OSBPL5: variants seen among roughly 807,000 people sequenced by gnomAD.
OSBPL5 encodes oxysterol-binding protein-related protein 5.
In OSBPL5, 71 loss-of-function variants were observed where a neutral mutation model predicts 111.2. That is an observed-to-expected ratio of 0.64 (90% confidence interval 0.53 to 0.78). The LOEUF (loss-of-function observed/expected upper bound fraction) is 0.78. Ranked by LOEUF, OSBPL5 falls within the 30% of genes least tolerant of loss-of-function variation. The pLI is 0.00. For synonymous variants in OSBPL5, 549 were observed against 513.9 expected, an observed-to-expected ratio of 1.07 and a Z score of -0.93; for missense variants, 1,210 against 1,189.3, an observed-to-expected ratio of 1.02 and a Z score of -0.26.
rs561342421 is a variant in OSBPL5 at position 3,104,500 on chromosome 11, C to T, written c.1060-123G>A. ...CACCCCTTAGGGTGTAAACCCCTGA[C>T]CTGGCCTCCATGGCCTCATGAGGCT... On this transcript the variant is annotated intron_variant, in intron 9 of 21. Transcript: ENST00000263650. The surrounding 1 kb of genome is among the most constrained non-coding windows in gnomAD (Gnocchi z 5.0). 53 of 1,038,216 alleles carry T rather than the reference C, an allele frequency of 5.1e-5. No homozygotes were observed. The highest frequency in any genetic ancestry group is 6.7e-5 in the Non-Finnish European group (49 of 734,816). 64.3% of individuals were successfully genotyped at this position (1,038,216 alleles called of 1,614,324 possible). A position where few individuals can be genotyped will look rare whatever the true frequency, so the allele number is the denominator to read the frequency against.
At chr11:3,102,969 G>A (rs982992653) in intron 11 of OSBPL5, among the ~76,000 whole-genome samples, 1 of 152,156 alleles carries the variant, frequency 6.6e-6, no homozygotes, top group African/African-American at 2.4e-5. Flanking sequence ...CTGTTTTCTT[G>A]GGGGGTGGGG....
At position 3,107,507 on chromosome 11, in the gene OSBPL5, C is replaced by T. The variant is rs1310011233; in HGVS notation, c.867-52G>A. 1 of 1,591,776 alleles carries T rather than the reference C, an allele frequency of 6.3e-7. No individual in the cohort carries two copies. The highest frequency in any genetic ancestry group is 1.3e-5 in the African/African-American group (1 of 74,402). ...CCCTGTCACAGGTGAGAGCCCAGCACAGCCCTCTGGGCTGCCCACCCCTCG... is the reference window on the plus strand; with the variant it reads ...CCCTGTCACAGGTGAGAGCCCAGCATAGCCCTCTGGGCTGCCCACCCCTCG... On this transcript the variant is annotated intron_variant, in intron 8 of 21. Coordinates refer to ENST00000263650, the MANE Select transcript of OSBPL5 (RefSeq NM_020896.4). This position sits in a 1 kb window ranked among gnomAD's most constrained non-coding sequence, Gnocchi z 6.1.
At chr11:3,101,741 G>T in intron 12 of OSBPL5, 42 bp from the exon 13 acceptor site, 2 of 1,524,982 alleles carry the variant, frequency 1.3e-6, no homozygotes, top group Non-Finnish European at 9.1e-7. Flanking sequence ...CCCGGAAACA[G>T]GTAATCCCAG....
At chr11:3,122,187 G>A in intron 4 of OSBPL5, 89 bp from the exon 5 acceptor site, 2 of 1,396,658 alleles carry the variant, frequency 1.4e-6, no homozygotes, top group South Asian at 2.5e-5. Flanking sequence ...ATGGGTCCAG[G>A]GGCAGGGGCA....
chr11:3,097,015 C>T (rs56331957), intron 14 of OSBPL5, among the ~76,000 whole-genome samples: 377 of 9,008 alleles, frequency 0.042, no homozygotes, highest in Middle Eastern at 0.056. Context: ...AGGGGGAAGA[C>T]GGGAGGGGGA....
intron 1 of OSBPL5, among the ~76,000 whole-genome samples, chr11:3,131,937 CCATCCATCCATCCATCCATCCA>C (rs1845821352): frequency 7.1e-5 from 1 of 14,138 alleles, no homozygotes. Context: ...GTCCATCCAT[CCATCCATCCATCCATCCATCCA>C]TCCATCCATC....
In OSBPL5 at chr11:3,113,719, A is replaced by G. The variant is rs1248979333; in HGVS notation, c.692-5774T>C. Reference sequence around the variant, plus strand: ...ACATCTTAAATTTAGTAAGATTACCATAACTTCTAATCTGGTGGCTTTAGG... The same window carrying G: ...ACATCTTAAATTTAGTAAGATTACCGTAACTTCTAATCTGGTGGCTTTAGG... On this transcript the variant is annotated intron_variant, in intron 7 of 21. Transcript: ENST00000263650. This position sits in a 1 kb window ranked among gnomAD's most constrained non-coding sequence, Gnocchi z 4.8. Among the ~76,000 whole-genome samples the G allele has an allele frequency of 2.0e-5, 3 of 152,198 alleles. No individual in the cohort carries two copies. The highest frequency in any genetic ancestry group is 4.8e-5 in the African/African-American group (2 of 41,446).
At chr11:3,112,124 T>TGC (rs1858015295) in intron 7 of OSBPL5, among the ~76,000 whole-genome samples, 6 of 148,490 alleles carry the variant, frequency 4.0e-5, no homozygotes, top group Non-Finnish European at 9.0e-5. Context: ...TGTGTGTGTG[T>TGC]GCGCATATGT....
chr11:3,134,256 T>A (rs1316281072), intron 1 of OSBPL5, among the ~76,000 whole-genome samples: 4 of 152,246 alleles, frequency 2.6e-5, no homozygotes. Flanking sequence ...AAGGGCCTCC[T>A]GCTCTCCTCC....
At chr11:3,096,844 A>G (rs1047794729) in intron 14 of OSBPL5, among the ~76,000 whole-genome samples, 8 of 150,860 alleles carry the variant, frequency 5.3e-5, no homozygotes, top group Admixed American at 5.3e-4. Flanking sequence ...TTGAAAAAAT[A>G]TATGAAGCAT....
chr11:3,088,447 A>G (rs1856948684), intron 21 of OSBPL5, 104 bp from the exon 22 acceptor site: 2 of 1,273,244 alleles, frequency 1.6e-6, no homozygotes, highest in East Asian at 3.1e-5. Flanking sequence ...TGCTGGACAC[A>G]GGGCCGAGGT....
At chr11:3,091,737 A>T (rs781346858) in intron 19 of OSBPL5, among the ~76,000 whole-genome samples, 1 of 152,090 alleles carries the variant, frequency 6.6e-6, no homozygotes, top group Non-Finnish European at 1.5e-5. Context: ...CCAAGGAGAT[A>T]CCGCGGCCCC....
intron 1 of OSBPL5, among the ~76,000 whole-genome samples, chr11:3,151,391 C>T (rs530798757): frequency 6.6e-6 from 1 of 152,276 alleles, no homozygotes; most frequent in South Asian, 2.1e-4. Flanking sequence ...GGTGTGAACG[C>T]CTCTTCCTCA....
At chr11:3,138,917 T>C (rs1846027690) in intron 1 of OSBPL5, among the ~76,000 whole-genome samples, 1 of 152,212 alleles carries the variant, frequency 6.6e-6, no homozygotes, top group Non-Finnish European at 1.5e-5. Flanking sequence ...GCCAGGCGTG[T>C]GGGCAAAAAC....
rs958489561 is a variant in OSBPL5, at chr11:3,103,295, T to C, written c.1270A>G (p.Ser424Gly). ...SRAAVEEDAYSRMKLVLRWYL... is the reference protein window; with the variant it reads ...SRAAVEEDAYGRMKLVLRWYL... ...CACCGCAGCACCAGCTTCATGCGGC[T>C]GTAGGCATCCTCCTCCACCGCAGCC... The change falls in exon 11 of 22, where the codon AGC becomes GGC. Residue 424 changes from serine to glycine, a missense_variant. Transcript: ENST00000263650. 7 of 1,608,140 alleles carry C rather than the reference T, an allele frequency of 4.4e-6. No homozygotes were observed. Among genetic ancestry groups the C allele is most frequent in the Non-Finnish European group, 5.9e-6 (7 of 1,177,374 alleles).
chr11:3,138,492 C>T (rs1846012812), intron 1 of OSBPL5, among the ~76,000 whole-genome samples: 1 of 152,224 alleles, frequency 6.6e-6, no homozygotes, highest in Non-Finnish European at 1.5e-5. Flanking sequence ...AGGCAGGGGC[C>T]TGCTGGGATT....
rs548611842 is a variant in OSBPL5 at position 3,115,316 on chromosome 11, T to C, written c.691+4231A>G. ...TATTAAAATTTTTTTTAAATCAAGG[T>C]TATTCCGTCCTTATATCTTCTTGTA... On this transcript the variant is annotated intron_variant, in intron 7 of 21. Coordinates refer to ENST00000263650, the MANE Select transcript of OSBPL5 (RefSeq NM_020896.4). 3.5e-3 allele frequency among the ~76,000 whole-genome samples: 529 copies of C among 152,312 alleles called. 4 individuals carry two copies. Among genetic ancestry groups the C allele is most frequent in the South Asian group, 0.011 (53 of 4,826 alleles).
Position 3,104,435 on chromosome 11 carries a change from C to A in OSBPL5, c.1060-58G>T. On this transcript the variant is annotated intron_variant, in intron 9 of 21. Transcript: ENST00000263650. The surrounding 1 kb of genome is among the most constrained non-coding windows in gnomAD (Gnocchi z 5.0). ...CGGAAGAGCCGGGAGGAAGGGGTGG[C>A]GGGACAGTGGCAGCTCTGGCTGGAG... 1.5e-5 allele frequency: 24 copies of A among 1,570,798 alleles called. No homozygotes were observed. The highest frequency in any genetic ancestry group is 1.9e-5 in the Non-Finnish European group (22 of 1,163,686).
intron 1 of OSBPL5, among the ~76,000 whole-genome samples, chr11:3,131,927 GTCCATCCATCCATCCATCCA>G (rs532838844): frequency 3.0e-4 from 7 of 23,462 alleles, no homozygotes; most frequent in Admixed American, 1.3e-3. Context: ...CCATCCTCCT[GTCCATCCATCCATCCATCCA>G]TCCATCCATC....
Sources: gnomAD v4.1 joint callset for allele counts (sites outside exome capture counted in the v4.1 genomes callset) on GRCh38, gnomAD v4.1.1 for gene constraint, Gnocchi (gnomAD v3.1) non-coding constraint, MANE v1.5 for transcripts, NCBI Gene and HGNC (gene_info 2026-07-23, HGNC 2026-07-21) for gene names.